ASB14: variants seen among roughly 807,000 people sequenced by gnomAD.
ASB14 encodes the protein ankyrin repeat and SOCS box containing 14.
Under a neutral mutation model 55.6 loss-of-function variants are expected in ASB14, and 63 were observed. The ratio of observed to expected loss-of-function variants is 1.13; its 90% CI spans 0.92 to 1.40. ASB14 has a LOEUF of 1.40. Among genes scored for constraint, ASB14 ranks in the 40% most tolerant of loss-of-function variants. The pLI is 0.00. For missense variants in ASB14, 724 were observed against 710.4 expected (o/e 1.02, Z -0.22); for synonymous variants, 256 against 259.9 (o/e 0.98, Z 0.15).
At chr3:57,276,444 A>G in intron 10 of ASB14, 84 bp downstream of exon 10, 1 of 991,652 alleles carries the variant, frequency 1.0e-6, no homozygotes, top group Non-Finnish European at 1.5e-6. Context: ...CTTAGACTGC[A>G]TTGAGATTTT....
intron 5 of ASB14, among the ~76,000 whole-genome samples, chr3:57,287,248 G>C (rs1344402480): frequency 6.6e-6 from 1 of 152,140 alleles, no homozygotes; most frequent in Non-Finnish European, 1.5e-5. Context: ...TTTAACAACA[G>C]GTTGATATGT....
intron 5 of ASB14, among the ~76,000 whole-genome samples, chr3:57,285,217 A>G (rs2061072263): frequency 6.6e-6 from 1 of 152,128 alleles, no homozygotes; most frequent in African/African-American, 2.4e-5. Context: ...CTGGGATTAC[A>G]GGTGTGAACT....
chr3:57,269,471 A>G lies in ASB14; in HGVS notation c.*170T>C. The G allele has an allele frequency of 1.9e-6, 3 of 1,555,456 alleles. No individual in the cohort carries two copies. Among genetic ancestry groups the G allele is most frequent in the Non-Finnish European group, 2.6e-6 (3 of 1,137,594 alleles). Reference sequence around the variant, plus strand: ...CAGAAGAAGTGGCTCTCAAGAATGTATCTTAACTGCATAATTTGCCATTTG... The same window carrying G: ...CAGAAGAAGTGGCTCTCAAGAATGTGTCTTAACTGCATAATTTGCCATTTG... On this transcript the variant is annotated 3_prime_UTR_variant, in exon 11 of 11. Transcript: ENST00000487349.
chr3:57,290,833 A>G (rs1361679211), intron 2 of ASB14, among the ~76,000 whole-genome samples: 1 of 152,254 alleles, frequency 6.6e-6, no homozygotes, highest in Non-Finnish European at 1.5e-5. Context: ...AGATAATCTA[A>G]TAAGGCTAAT....
chr3:57,287,869 C>G (rs1220231920), intron 5 of ASB14, 32 bp downstream of exon 5: 2 of 1,533,570 alleles, frequency 1.3e-6, no homozygotes, highest in African/African-American at 1.4e-5. Context: ...CTCAGTGCCA[C>G]AGACTCTTTC....
In ASB14 at chr3:57,277,789, C is replaced by G; in HGVS notation, c.1563G>C (p.Trp521Cys). ...LKAVLQKQGI[W>C]SEIHFILTNP... ...TACTTAAGATAAAATGTATTTCTGACCAGATCCCCTGTTTTTGGAGCACAG... is the reference window on the plus strand; with the variant it reads ...TACTTAAGATAAAATGTATTTCTGAGCAGATCCCCTGTTTTTGGAGCACAG... The change falls in exon 9 of 11, where the codon TGG becomes TGC. Residue 521 changes from tryptophan (W) to cysteine (C), a missense_variant. Transcript: ENST00000487349. The G allele has an allele frequency of 2.5e-6, 4 of 1,612,076 alleles. No individual in the cohort carries two copies. The highest frequency in any genetic ancestry group is 3.4e-6 in the Non-Finnish European group (4 of 1,179,388).
At chr3:57,273,832 T>G (rs2060965075) in intron 10 of ASB14, among the ~76,000 whole-genome samples, 1 of 152,212 alleles carries the variant, frequency 6.6e-6, no homozygotes, top group Admixed American at 6.5e-5. Flanking sequence ...TCCCATGTGC[T>G]CTTTATAGTT....
intron 6 of ASB14, among the ~76,000 whole-genome samples, chr3:57,280,923 C>G (rs1265940788): frequency 6.6e-6 from 1 of 152,074 alleles, no homozygotes; most frequent in Admixed American, 6.5e-5. Flanking sequence ...TCGTAGGGGA[C>G]CATAGTAGGA....
intron 5 of ASB14, among the ~76,000 whole-genome samples, chr3:57,284,094 A>ATGTATGTGTG (rs1553640084): frequency 7.3e-6 from 1 of 136,542 alleles, no homozygotes; most frequent in Non-Finnish European, 1.5e-5. Flanking sequence ...AACACTGTGT[A>ATGTATGTGTG]TGTGTGTGTG....
chr3:57,290,613 C>A (rs1374651746), intron 2 of ASB14, among the ~76,000 whole-genome samples: 1 of 152,190 alleles, frequency 6.6e-6, no homozygotes, highest in Non-Finnish European at 1.5e-5. Context: ...CTTCAAGTAC[C>A]TGACTAAATC....
In ASB14 at chr3:57,278,504, A is replaced by T; in HGVS notation, c.1304T>A (p.Val435Asp). The change falls in exon 8 of 11, where the codon GTC (valine) becomes GAC (aspartate). Residue 435 changes from valine (V) to aspartate (D), a missense_variant. Physicochemically the swap from Val to Asp is radical, Grantham distance 152. Coordinates refer to ENST00000487349, the MANE Select transcript of ASB14 (RefSeq NM_001142733.3). Reference sequence around the variant, plus strand: ...ATAGTTCAGCAGCATCCTGAGCATGACTTCATCTTTCAGAGTGTATTGCAG... The same window carrying T: ...ATAGTTCAGCAGCATCCTGAGCATGTCTTCATCTTTCAGAGTGTATTGCAG... ...SALQYTLKDE[V>D]MLRMLLNYGY... The T allele has an allele frequency of 6.2e-7, 1 of 1,614,202 alleles. No individual in the cohort carries two copies. The highest frequency in any genetic ancestry group is 8.5e-7 in the Non-Finnish European group (1 of 1,180,006).
chr3:57,278,470 G>A lies in ASB14; in HGVS notation c.1338C>T (p.Asp446=), dbSNP rs2061008715. The A allele has an allele frequency of 1.2e-6, 2 of 1,614,210 alleles. No individual in the cohort carries two copies. Among genetic ancestry groups the A allele is most frequent in the Non-Finnish European group, 1.7e-6 (2 of 1,180,024 alleles). Residue 446 remains aspartate, a synonymous_variant, in exon 8 of 11, where the codon GAC becomes GAT. Coordinates refer to ENST00000487349, the MANE Select transcript of ASB14 (RefSeq NM_001142733.3). ...MLRMLLNYGY[D]TERCFDCPHG... is the part of the protein sequence containing the mutation. ...GTGGGCAATCAAAACATCGCTCTGTGTCATACCCATAGTTCAGCAGCATCC... is the reference window on the plus strand; with the variant it reads ...GTGGGCAATCAAAACATCGCTCTGTATCATACCCATAGTTCAGCAGCATCC...
At chr3:57,274,108 T>C (rs1220378706) in intron 10 of ASB14, among the ~76,000 whole-genome samples, 1 of 152,116 alleles carries the variant, frequency 6.6e-6, no homozygotes, top group African/African-American at 2.4e-5. Flanking sequence ...ATAAAAATAA[T>C]TTAAAGTCTG....
In ASB14 at chr3:57,278,437, G is replaced by A; in HGVS notation, c.1371C>T (p.Asp457=). ...TERCFDCPHG[D]KVHPSYTVEG... ...CAACAGTATAGGAAGGATGGACTTTGTCTCCATGTGGGCAATCAAAACATC... is the reference window on the plus strand; with the variant it reads ...CAACAGTATAGGAAGGATGGACTTTATCTCCATGTGGGCAATCAAAACATC... The change falls in exon 8 of 11, where the codon GAC becomes GAT. Residue 457 remains aspartate (D), a synonymous_variant. Coordinates refer to ENST00000487349, the MANE Select transcript of ASB14 (RefSeq NM_001142733.3). 6.2e-7 allele frequency: 1 copy of A among 1,614,144 alleles called. No homozygotes were observed. The highest frequency in any genetic ancestry group is 8.5e-7 in the Non-Finnish European group (1 of 1,180,014).
At position 57,278,566 on chromosome 3, in the gene ASB14, G is replaced by A; in HGVS notation, c.1242C>T (p.Tyr414=). The stretch of plus-strand genomic sequence containing the variant: ...AATGTAAAGGGTTAACTCTGCAGAA[G>A]TAATTGACATTGGCCCCATGCCTTA... ...LLLRHGANVN[Y]FCRVNPLHFP... is the part of the protein sequence containing the mutation. The change falls in exon 8 of 11, where the codon TAC becomes TAT. Residue 414 remains tyrosine (Y), a synonymous_variant. Transcript: ENST00000487349. 6.2e-7 allele frequency: 1 copy of A among 1,614,208 alleles called. No individual in the cohort carries two copies. The highest frequency in any genetic ancestry group is 8.5e-7 in the Non-Finnish European group (1 of 1,180,034).
intron 10 of ASB14, 158 bp from the exon 11 acceptor site, chr3:57,269,776 G>A (rs1352268739): frequency 4.3e-6 from 6 of 1,409,914 alleles, no homozygotes; most frequent in South Asian, 1.3e-5. Flanking sequence ...GAAATATCAA[G>A]GAGGAGATTA....
chr3:57,278,793 C>T lies in ASB14; in HGVS notation c.1015G>A (p.Asp339Asn), dbSNP rs1466012748. 1.9e-6 allele frequency: 3 copies of T among 1,613,388 alleles called. No homozygotes were observed. The highest frequency in any genetic ancestry group is 2.5e-6 in the Non-Finnish European group (3 of 1,179,690). Residue 339 changes from aspartate (D) to asparagine (N), a missense_variant, in exon 8 of 11, where the codon GAT becomes AAT. Physicochemically the swap from Asp to Asn is conservative, Grantham distance 23 (BLOSUM62 1). Transcript: ENST00000487349. ...CLELLIQAGF[D>N]VNFMLDQRIN... ...CTCTGATCCAGCATGAAGTTCACAT[C>T]AAATCCAGCCTGGATGAGGAGTTCC...
In ASB14 at chr3:57,269,250, T is replaced by C; in HGVS notation, c.*391A>G. 4.1e-6 allele frequency: 1 copy of C among 241,328 alleles called. No individual in the cohort carries two copies. Among genetic ancestry groups the C allele is most frequent in the South Asian group, 1.0e-4 (1 of 10,014 alleles). 14.9% of individuals were successfully genotyped at this position (241,328 alleles called of 1,614,324 possible). On this transcript the variant is annotated 3_prime_UTR_variant, in exon 11 of 11. Transcript: ENST00000487349. Reference sequence around the variant, plus strand: ...GGGTGATCCCTTTCGAGGGTTTTACTATAATATATAGTGAGAGATGATTGA... The same window carrying C: ...GGGTGATCCCTTTCGAGGGTTTTACCATAATATATAGTGAGAGATGATTGA...
At chr3:57,279,357 C>T (rs2107622555) in intron 7 of ASB14, among the ~76,000 whole-genome samples, 1 of 145,100 alleles carries the variant, frequency 6.9e-6, no homozygotes, top group East Asian at 2.1e-4. Flanking sequence ...TCACTGCAAC[C>T]TCTGCCTCCT....
Sources: gnomAD v4.1 joint callset for allele counts (sites outside exome capture counted in the v4.1 genomes callset) on GRCh38, gnomAD v4.1.1 for gene constraint, MANE v1.5 for transcripts, NCBI Gene and HGNC (gene_info 2026-07-23, HGNC 2026-07-21) for gene names.